ARB2A: variants seen among roughly 807,000 people sequenced by gnomAD.
ARB2A encodes the protein ARB2 cotranscriptional regulator A, also known as cotranscriptional regulator ARB2A.
At chr5:93,851,796 T>C in the ARB2A span, among the ~76,000 whole-genome samples, 1 of 152,212 alleles carries the variant, frequency 6.6e-6, no homozygotes, top group Non-Finnish European at 1.5e-5. Flanking sequence ...TCATTTTTTA[T>C]GGCTGCATAG....
At chr5:93,944,198 C>T in the ARB2A span, among the ~76,000 whole-genome samples, 1 of 152,088 alleles carries the variant, frequency 6.6e-6, no homozygotes, top group Non-Finnish European at 1.5e-5. Flanking sequence ...AAGTGAACTA[C>T]CTGTCACCGG....
At chr5:93,701,917 C>T in the ARB2A span, among the ~76,000 whole-genome samples, 5 of 152,136 alleles carry the variant, frequency 3.3e-5, no homozygotes, top group Non-Finnish European at 5.9e-5. Flanking sequence ...TAGTCCATCA[C>T]AGCTTACACA....
chr5:94,076,059 CACA>C, the ARB2A span, among the ~76,000 whole-genome samples: 2 of 152,136 alleles, frequency 1.3e-5, no homozygotes, highest in Non-Finnish European at 2.9e-5. Flanking sequence ...TAATTATGTG[CACA>C]ACATCCATGT....
the ARB2A span, among the ~76,000 whole-genome samples, chr5:93,750,464 C>A: frequency 6.6e-6 from 1 of 152,192 alleles, no homozygotes; most frequent in Non-Finnish European, 1.5e-5. Flanking sequence ...TAACATACAG[C>A]AGCTTTCCTA....
At chr5:94,093,645 C>T in the ARB2A span, among the ~76,000 whole-genome samples, 1 of 152,178 alleles carries the variant, frequency 6.6e-6, no homozygotes, top group Admixed American at 6.5e-5. Flanking sequence ...CTGGCCTCCT[C>T]AAAATTCATG....
At chr5:93,827,237 C>A in the ARB2A span, among the ~76,000 whole-genome samples, 1 of 152,146 alleles carries the variant, frequency 6.6e-6, no homozygotes, top group African/African-American at 2.4e-5. Context: ...TCCTATTTCT[C>A]CACATCCTCT....
At chr5:94,082,411 C>T in the ARB2A span, among the ~76,000 whole-genome samples, 2 of 152,056 alleles carry the variant, frequency 1.3e-5, no homozygotes, top group African/African-American at 4.8e-5. Context: ...AGAAATGTAC[C>T]ATTTGCTACA....
the ARB2A span, among the ~76,000 whole-genome samples, chr5:94,051,808 T>C: frequency 6.6e-6 from 1 of 152,208 alleles, no homozygotes; most frequent in Non-Finnish European, 1.5e-5. Context: ...AATATTAATC[T>C]ACATTTATTT....
At chr5:93,643,468 A>T in the ARB2A span, among the ~76,000 whole-genome samples, 1 of 152,230 alleles carries the variant, frequency 6.6e-6, no homozygotes. Flanking sequence ...ATATGTGAAT[A>T]GCCCATAGAA....
chr5:94,050,800 T>C, the ARB2A span: 6 of 1,612,102 alleles, frequency 3.7e-6, no homozygotes, highest in Non-Finnish European at 5.1e-6. Flanking sequence ...AAACAAATGG[T>C]TCCCCAGTTT....
chr5:93,683,086 T>A, the ARB2A span: 1 of 1,566,424 alleles, frequency 6.4e-7, no homozygotes. Context: ...TTGAGTCTTT[T>A]CCATTCTGAT....
At chr5:93,860,424 G>A in the ARB2A span, among the ~76,000 whole-genome samples, 1 of 151,940 alleles carries the variant, frequency 6.6e-6, no homozygotes, top group East Asian at 1.9e-4. Flanking sequence ...ATAAATGGAT[G>A]TCGTACACAA....
the ARB2A span, chr5:93,683,586 T>A: frequency 8.2e-6 from 12 of 1,460,982 alleles, no homozygotes; most frequent in Non-Finnish European, 1.1e-5. Context: ...TGGCCGTTCT[T>A]AAGGATAACT....
At chr5:94,060,213 G>T in the ARB2A span, among the ~76,000 whole-genome samples, 1 of 152,156 alleles carries the variant, frequency 6.6e-6, no homozygotes, top group East Asian at 1.9e-4. Flanking sequence ...ATAGTCATGT[G>T]TGGTGGTGCG....
chr5:93,630,476 A>T, the ARB2A span, among the ~76,000 whole-genome samples: 1 of 152,242 alleles, frequency 6.6e-6, no homozygotes, highest in African/African-American at 2.4e-5. Context: ...ACCAGAGATA[A>T]TAGGCTAAAA....
chr5:93,898,878 ATCATC>A, the ARB2A span, among the ~76,000 whole-genome samples: 2 of 152,112 alleles, frequency 1.3e-5, no homozygotes, highest in Non-Finnish European at 1.5e-5. Context: ...CTTCACATGT[ATCATC>A]TCACTTAATC....
At chr5:94,009,686 A>C in the ARB2A span, among the ~76,000 whole-genome samples, 3 of 152,092 alleles carry the variant, frequency 2.0e-5, no homozygotes, top group African/African-American at 4.8e-5. Context: ...GCTTTGAGAA[A>C]GAAATCTGAA....
the ARB2A span, among the ~76,000 whole-genome samples, chr5:93,678,138 C>A: frequency 6.6e-6 from 1 of 152,296 alleles, no homozygotes; most frequent in South Asian, 2.1e-4. Context: ...TAATATGGCA[C>A]CAAATCCCAG....
At chr5:94,041,935 CA>C in the ARB2A span, among the ~76,000 whole-genome samples, 2 of 146,716 alleles carry the variant, frequency 1.4e-5, no homozygotes, top group African/African-American at 2.5e-5. Context: ...AGATTTTTCA[CA>C]AAAAAAAAAT....
Sources: gnomAD v4.1 joint callset for allele counts (sites outside exome capture counted in the v4.1 genomes callset) on GRCh38, gnomAD v4.1.1 for gene constraint, MANE v1.5 for transcripts, NCBI Gene and HGNC (gene_info 2026-07-23, HGNC 2026-07-21) for gene names.